Variants in CHRM4 observed in about 807,000 individuals in gnomAD.
The protein encoded by CHRM4 is cholinergic receptor muscarinic 4.
CHRM4 carries 5 observed loss-of-function variants against 26.3 expected under a neutral mutation model. That is an observed-to-expected ratio of 0.19 (90% CI 0.10 to 0.40). The LOEUF is 0.40. Ranked by LOEUF, CHRM4 falls within the 10% of genes least tolerant of loss-of-function variation. The pLI is 1.00. For missense variants in CHRM4, 402 were observed against 664.5 expected, an observed-to-expected ratio of 0.60 and a Z score of 4.34; for synonymous variants, 290 against 285.3, an observed-to-expected ratio of 1.02 and a Z score of -0.16.
At chr11:46,390,398 G>A (rs923968451) in intron 1 of CHRM4, among the ~76,000 whole-genome samples, 3 of 152,226 alleles carry the variant, frequency 2.0e-5, no homozygotes, top group African/African-American at 7.2e-5. Flanking sequence ...GGCCTTGAGG[G>A]ACACCAGGCA....
intron 1 of CHRM4, among the ~76,000 whole-genome samples, chr11:46,389,622 G>T (rs1224003999): frequency 1.3e-5 from 2 of 152,208 alleles, no homozygotes; most frequent in African/African-American, 4.8e-5. Flanking sequence ...TGCGGCCGCC[G>T]TTGGCCACCG....
At position 46,391,105 on chromosome 11, in the gene CHRM4, G is replaced by A. The variant is rs1318507321; in HGVS notation, c.-30+426C>T. Among the ~76,000 whole-genome samples, 2 of 151,910 alleles carry A rather than the reference G, an allele frequency of 1.3e-5. No homozygotes were observed. The highest frequency in any genetic ancestry group is 6.6e-5 in the Admixed American group (1 of 15,266). On this transcript the variant is annotated intron_variant, in intron 1 of 1. Coordinates refer to ENST00000682254, the MANE Select transcript of CHRM4 (RefSeq NM_000741.5). The surrounding 1 kb of genome is among the most constrained non-coding windows in gnomAD (Gnocchi z 6.3). The stretch of plus-strand genomic sequence containing the variant: ...AGTACCGGAGCGGGGGAGGGGTGTC[G>A]GGGAGGGCAGGGGTGTTTTCCGTCG...
At chr11:46,387,406 A>G (rs1432401495) in intron 1 of CHRM4, among the ~76,000 whole-genome samples, 1 of 152,210 alleles carries the variant, frequency 6.6e-6, no homozygotes, top group African/African-American at 2.4e-5. Flanking sequence ...CTGGGACTCC[A>G]GGCGCCATCA....
rs779329916 is a variant in CHRM4, at chr11:46,385,154, C to T, written c.1404G>A (p.Leu468=). The T allele has an allele frequency of 3.1e-6, 5 of 1,612,992 alleles. No homozygotes were observed. The highest frequency in any genetic ancestry group is 1.7e-4 in the Middle Eastern group (1 of 6,058). ...ATFKKTFRHL[L]LCQYRNIGTA... ...TGCCGATGTTCCGATACTGGCACAGCAGCAGGTGCCGGAAGGTCTTTTTAA... is the reference window on the plus strand; with the variant it reads ...TGCCGATGTTCCGATACTGGCACAGTAGCAGGTGCCGGAAGGTCTTTTTAA... The change falls in exon 2 of 2, where the codon CTG becomes CTA. Residue 468 remains leucine (L), a synonymous_variant. Coordinates refer to ENST00000682254, the MANE Select transcript of CHRM4 (RefSeq NM_000741.5). The surrounding 1 kb of genome is among the most constrained non-coding windows in gnomAD (Gnocchi z 6.3).
rs760241570 is a variant in CHRM4, at chr11:46,386,611, C to T, written c.-29-25G>A. ...TCTGGGGAGGAAGGGGAGAGAAAAG[C>T]ATGAACTACAGGAGGGAATGGGGGA... On this transcript the variant is annotated intron_variant, in intron 1 of 1. Transcript: ENST00000682254. This position sits in a 1 kb window ranked among gnomAD's most constrained non-coding sequence, Gnocchi z 5.8. 1.0e-4 allele frequency: 162 copies of T among 1,582,520 alleles called. 1 individual carries two copies. Among genetic ancestry groups the T allele is most frequent in the Admixed American group, 5.1e-5 (3 of 58,910 alleles).
At chr11:46,388,879 C>T (rs1026355268) in intron 1 of CHRM4, among the ~76,000 whole-genome samples, 1 of 152,214 alleles carries the variant, frequency 6.6e-6, no homozygotes, top group Non-Finnish European at 1.5e-5. Flanking sequence ...ACAAACGGGG[C>T]TAGAAGTGCA....
Position 46,384,996 on chromosome 11 carries a change from T to C in CHRM4, c.*122A>G. 2.1e-6 allele frequency: 3 copies of C among 1,398,352 alleles called. No homozygotes were observed. The highest frequency in any genetic ancestry group is 2.8e-6 in the Non-Finnish European group (3 of 1,053,998). The allele number at this position is 1,398,352 out of a possible 1,614,324, so 86.6% of individuals were successfully genotyped here. On this transcript the variant is annotated 3_prime_UTR_variant, in exon 2 of 2. Transcript: ENST00000682254. Reference sequence around the variant, plus strand: ...TGCAGCCACAGAGCCTCTTCTGAACTTCCTCCTCAGCAAACGTGAACGCAG... The same window carrying C: ...TGCAGCCACAGAGCCTCTTCTGAACCTCCTCCTCAGCAAACGTGAACGCAG...
In CHRM4 at chr11:46,391,689, G is replaced by A. The variant is rs1440091580; in HGVS notation, c.-188C>T. On this transcript the variant is annotated 5_prime_UTR_variant, in exon 1 of 2. Transcript: ENST00000682254. The surrounding 1 kb of genome is among the most constrained non-coding windows in gnomAD (Gnocchi z 6.3). ...CGGACGCGCGGCCCCGCGGGCCGGC[G>A]GGGCGGGCGGCCGGGCCGAGGGCCG... 6.7e-6 allele frequency among the ~76,000 whole-genome samples: 1 copy of A among 148,928 alleles called. No homozygotes were observed. The highest frequency in any genetic ancestry group is 6.7e-5 in the Admixed American group (1 of 15,000).
chr11:46,387,806 G>T (rs891174419), intron 1 of CHRM4, among the ~76,000 whole-genome samples: 1 of 152,236 alleles, frequency 6.6e-6, no homozygotes, highest in South Asian at 2.1e-4. Flanking sequence ...CAGCCACAGG[G>T]CATGCAGCTG....
intron 1 of CHRM4, among the ~76,000 whole-genome samples, chr11:46,388,706 T>A (rs1041421878): frequency 6.6e-6 from 1 of 152,130 alleles, no homozygotes; most frequent in East Asian, 1.9e-4. Flanking sequence ...AAATAGAAGC[T>A]CAGGTGTCAC....
In CHRM4 at chr11:46,386,787, T is replaced by G. The variant is rs1339833571; in HGVS notation, c.-29-201A>C. Among the ~76,000 whole-genome samples, 1 of 152,132 alleles carries G rather than the reference T, an allele frequency of 6.6e-6. No individual in the cohort carries two copies. Among genetic ancestry groups the G allele is most frequent in the Admixed American group, 6.5e-5 (1 of 15,276 alleles). ...GTGGCAAGCATTGCTCAGGGTGCTGTGGCTACAGAAGTGAATAAGACACAC... is the reference window on the plus strand; with the variant it reads ...GTGGCAAGCATTGCTCAGGGTGCTGGGGCTACAGAAGTGAATAAGACACAC... On this transcript the variant is annotated intron_variant, in intron 1 of 1. Coordinates refer to ENST00000682254, the MANE Select transcript of CHRM4 (RefSeq NM_000741.5). The surrounding 1 kb of genome is among the most constrained non-coding windows in gnomAD (Gnocchi z 5.8).
chr11:46,385,454 G>A lies in CHRM4; in HGVS notation c.1104C>T (p.Arg368=), dbSNP rs767500348. The part of the protein sequence containing the change: ...EIVPATPAGM[R]PAANVARKFA... ...ACTTGCGGGCCACGTTGGCCGCAGG[G>A]CGCATGCCAGCCGGCGTGGCAGGCA... Residue 368 remains arginine, a synonymous_variant, in exon 2 of 2, where the codon CGC becomes CGT. Transcript: ENST00000682254. This position sits in a 1 kb window ranked among gnomAD's most constrained non-coding sequence, Gnocchi z 6.3. The A allele has an allele frequency of 1.5e-5, 24 of 1,603,222 alleles. No homozygotes were observed. The highest frequency in any genetic ancestry group is 2.0e-5 in the Non-Finnish European group (24 of 1,171,302).
chr11:46,388,261 A>G (rs1179907723), intron 1 of CHRM4, among the ~76,000 whole-genome samples: 3 of 152,212 alleles, frequency 2.0e-5, no homozygotes, highest in Non-Finnish European at 4.4e-5. Flanking sequence ...CCGGCTGTGG[A>G]GGAAGGAGCA....
chr11:46,387,484 A>AT, intron 1 of CHRM4, among the ~76,000 whole-genome samples: 1 of 152,144 alleles, frequency 6.6e-6, no homozygotes, highest in South Asian at 2.1e-4. Context: ...GGTAGATACC[A>AT]TTTTTTCTCT....
At position 46,391,109 on chromosome 11, in the gene CHRM4, A is replaced by G. The variant is rs1590685383; in HGVS notation, c.-30+422T>C. Among the ~76,000 whole-genome samples, 1 of 66,512 alleles carries G rather than the reference A, an allele frequency of 1.5e-5. No individual in the cohort carries two copies. Among genetic ancestry groups the G allele is most frequent in the African/African-American group, 6.0e-5 (1 of 16,660 alleles). The allele number at this position is 66,512 out of a possible 152,430, so 43.6% of individuals were successfully genotyped here. A position where few individuals can be genotyped will look rare whatever the true frequency, so the allele number is the denominator to read the frequency against. ...CCGGAGCGGGGGAGGGGTGTCGGGG[A>G]GGGCAGGGGTGTTTTCCGTCGGGGC... On this transcript the variant is annotated intron_variant, in intron 1 of 1. Transcript: ENST00000682254. The surrounding 1 kb of genome is among the most constrained non-coding windows in gnomAD (Gnocchi z 6.3).
Position 46,386,282 on chromosome 11 carries a change from G to A in CHRM4, c.276C>T (p.Tyr92=), listed in dbSNP as rs1945339961. ...CCAGGGGCCAGTAGCCCTTGATGAT[G>A]TACACGGTGTAGAGGTTCATGGAGA... ...GAFSMNLYTV[Y]IIKGYWPLGA... The change falls in exon 2 of 2, where the codon TAC becomes TAT. Residue 92 remains tyrosine (Y), a synonymous_variant. Transcript: ENST00000682254. This position sits in a 1 kb window ranked among gnomAD's most constrained non-coding sequence, Gnocchi z 5.8. The A allele has an allele frequency of 1.2e-6, 2 of 1,613,806 alleles. No homozygotes were observed. Among genetic ancestry groups the A allele is most frequent in the African/African-American group, 1.3e-5 (1 of 74,916 alleles).
At position 46,384,094 on chromosome 11, in the gene CHRM4, C is replaced by T. The variant is rs1358688505; in HGVS notation, c.*1024G>A. Among the ~76,000 whole-genome samples, 1 of 152,238 alleles carries T rather than the reference C, an allele frequency of 6.6e-6. No individual in the cohort carries two copies. Among genetic ancestry groups the T allele is most frequent in the Non-Finnish European group, 1.5e-5 (1 of 68,052 alleles). On this transcript the variant is annotated 3_prime_UTR_variant, in exon 2 of 2. Transcript: ENST00000682254. The stretch of plus-strand genomic sequence containing the variant: ...AACCTGGCTGACTCACTGGAACCAC[C>T]ACACCCATCTCAGCCTCACCCAGTC...
chr11:46,387,902 A>AG (rs1945357476), intron 1 of CHRM4, among the ~76,000 whole-genome samples: 1 of 152,174 alleles, frequency 6.6e-6, no homozygotes, highest in African/African-American at 2.4e-5. Flanking sequence ...ATTGTCCCAG[A>AG]GGGAAGAGAA....
chr11:46,390,981 T>C (rs1031039992), intron 1 of CHRM4, among the ~76,000 whole-genome samples: 7 of 152,110 alleles, frequency 4.6e-5, no homozygotes, highest in African/African-American at 1.4e-4. Context: ...AGGCGAAGAT[T>C]TGGCACCGAC....
Sources: allele counts gnomAD v4.1 joint callset (sites outside exome capture counted in the v4.1 genomes callset), GRCh38; gene constraint gnomAD v4.1.1; non-coding constraint Gnocchi (gnomAD v3.1); transcripts MANE v1.5; gene names NCBI Gene and HGNC (gene_info 2026-07-23, HGNC 2026-07-21).